Variants in SRPK2 observed in about 807,000 individuals in gnomAD.
The protein encoded by SRPK2 is SFRS protein kinase 2.
SRPK2 carries 21 observed loss-of-function variants against 90.8 expected under a neutral mutation model. That is an observed-to-expected ratio of 0.23 (90% CI 0.16 to 0.33). The LOEUF is 0.33. Ranked by LOEUF, SRPK2 falls within the 10% of genes least tolerant of loss-of-function variation. The pLI, the probability that SRPK2 is intolerant of heterozygous loss-of-function variation, is 1.00. For missense variants in SRPK2, 620 were observed against 869.0 expected (o/e 0.71, Z 3.60); for synonymous variants, 288 against 311.1 (o/e 0.93, Z 0.78).
intron 2 of SRPK2, among the ~76,000 whole-genome samples, chr7:105,307,702 G>C (rs978299352): frequency 1.3e-5 from 2 of 152,190 alleles, no homozygotes; most frequent in Admixed American, 6.5e-5. Flanking sequence ...TGTATAAGTG[G>C]TAAGACTGTG....
At chr7:105,369,089 C>T (rs192078143) in intron 2 of SRPK2, among the ~76,000 whole-genome samples, 63 of 147,296 alleles carry the variant, frequency 4.3e-4, no homozygotes, top group African/African-American at 1.4e-3. Context: ...CCACCTTTTC[C>T]GCTTTATACA....
chr7:105,168,781 G>GTGTGTGTGTGTT (rs1790431526), intron 4 of SRPK2, among the ~76,000 whole-genome samples: 1 of 148,552 alleles, frequency 6.7e-6, no homozygotes, highest in African/African-American at 2.5e-5. Context: ...GTGTGTGTGT[G>GTGTGTGTGTGTT]TATGGAGTAG....
rs34535552 is a variant in SRPK2, at chr7:105,282,895, TAA to T, written c.72-79112_72-79111del. On this transcript the variant is annotated intron_variant, in intron 2 of 15. Transcript: ENST00000393651. The stretch of plus-strand genomic sequence containing the variant: ...AAATATTTGTAAATCACGTAACTGA[TAA>T]AAAAAAAAACTAGCATCCAGAATAT... 1.1e-4 allele frequency among the ~76,000 whole-genome samples: 16 copies of T among 148,774 alleles called. No individual in the cohort carries two copies. The East Asian group carries it at 1.9e-3, about 18-fold the overall frequency.
At chr7:105,359,741 A>G (rs1419603638) in intron 2 of SRPK2, among the ~76,000 whole-genome samples, 1 of 152,132 alleles carries the variant, frequency 6.6e-6, no homozygotes, top group East Asian at 1.9e-4. Flanking sequence ...TCATCCTTCC[A>G]ACCCCCACCT....
At chr7:105,119,861 T>C (rs1800078362) in intron 15 of SRPK2, among the ~76,000 whole-genome samples, 2 of 152,218 alleles carry the variant, frequency 1.3e-5, no homozygotes, top group South Asian at 4.1e-4. Context: ...GAGCCAGTAA[T>C]AGTAAAATGG....
At chr7:105,344,268 A>G (rs1356091740) in intron 2 of SRPK2, among the ~76,000 whole-genome samples, 1 of 148,200 alleles carries the variant, frequency 6.7e-6, no homozygotes, top group Non-Finnish European at 1.5e-5. Flanking sequence ...TTGTGTTTCA[A>G]AAAAACTTTA....
At chr7:105,350,849 A>G (rs1817090504) in intron 2 of SRPK2, among the ~76,000 whole-genome samples, 1 of 152,188 alleles carries the variant, frequency 6.6e-6, no homozygotes, top group Admixed American at 6.6e-5. Flanking sequence ...AAACATGTTC[A>G]GATTACATGG....
At chr7:105,287,121 C>G (rs1444586418) in intron 2 of SRPK2, among the ~76,000 whole-genome samples, 3 of 150,736 alleles carry the variant, frequency 2.0e-5, no homozygotes, top group Non-Finnish European at 3.0e-5. Context: ...ATTAGCCGGG[C>G]GTAGTGGCGG....
intron 2 of SRPK2, among the ~76,000 whole-genome samples, chr7:105,298,553 T>C (rs1304547983): frequency 1.3e-5 from 2 of 152,194 alleles, no homozygotes; most frequent in Admixed American, 6.5e-5. Context: ...AATTGTGAGA[T>C]GACTGCTTGA....
At chr7:105,216,306 C>T (rs867484286) in intron 2 of SRPK2, among the ~76,000 whole-genome samples, 4 of 152,164 alleles carry the variant, frequency 2.6e-5, no homozygotes, top group South Asian at 2.1e-4. Flanking sequence ...ATTTGTTTTA[C>T]ACAGACATCC....
chr7:105,231,309 C>T lies in SRPK2; in HGVS notation c.72-27524G>A, dbSNP rs113173854. On this transcript the variant is annotated intron_variant, in intron 2 of 15. Transcript: ENST00000393651. Reference sequence around the variant, plus strand: ...TAGTGTTACATTTTCTTTATCCAGTCGGTCACTGATCGGCATTTACATTGA... The same window carrying T: ...TAGTGTTACATTTTCTTTATCCAGTTGGTCACTGATCGGCATTTACATTGA... Among the ~76,000 whole-genome samples, 387 of 152,252 alleles carry T rather than the reference C, an allele frequency of 2.5e-3. 6 individuals carry two copies. The highest frequency in any genetic ancestry group is 2.1e-3 in the Non-Finnish European group (143 of 68,014).
intron 2 of SRPK2, among the ~76,000 whole-genome samples, chr7:105,231,672 C>T (rs1799440445): frequency 6.6e-6 from 1 of 152,160 alleles, no homozygotes; most frequent in East Asian, 1.9e-4. Context: ...ATCTGAGATA[C>T]TGAACTTTTT....
chr7:105,362,303 C>T (rs1183496183), intron 2 of SRPK2, among the ~76,000 whole-genome samples: 5 of 151,988 alleles, frequency 3.3e-5, no homozygotes, highest in African/African-American at 9.7e-5. Context: ...GTTAGAATGG[C>T]GATCATTAAA....
At chr7:105,343,911 C>T (rs1294839491) in intron 2 of SRPK2, among the ~76,000 whole-genome samples, 9 of 151,654 alleles carry the variant, frequency 5.9e-5, no homozygotes, top group East Asian at 5.9e-4. Context: ...TACAGGCATG[C>T]GCCACCACAC....
intron 2 of SRPK2, among the ~76,000 whole-genome samples, chr7:105,354,230 A>G (rs1170706546): frequency 6.6e-6 from 1 of 152,180 alleles, no homozygotes; most frequent in African/African-American, 2.4e-5. Flanking sequence ...ACAGAGCCCT[A>G]TGTCCTCCAT....
At chr7:105,268,784 C>T in intron 2 of SRPK2, 1 of 1,587,028 alleles carries the variant, frequency 6.3e-7, no homozygotes, top group Non-Finnish European at 8.6e-7. Flanking sequence ...ATTAATTGTT[C>T]ATGCAAGAGA....
intron 2 of SRPK2, among the ~76,000 whole-genome samples, chr7:105,330,292 G>T (rs898249356): frequency 2.6e-5 from 4 of 151,308 alleles, no homozygotes; most frequent in Non-Finnish European, 5.9e-5. Flanking sequence ...AGCCGAGATC[G>T]CGCCACTGCA....
At chr7:105,287,271 AAAAAAAAAAAAAAG>A (rs1480421066) in intron 2 of SRPK2, among the ~76,000 whole-genome samples, 5 of 134,106 alleles carry the variant, frequency 3.7e-5, no homozygotes, top group East Asian at 2.1e-4. Flanking sequence ...AAAAAAAAAA[AAAAAAAAAAAAAAG>A]AAGAAAAGGA....
intron 2 of SRPK2, among the ~76,000 whole-genome samples, chr7:105,242,812 GATCTCCA>G (rs1800996988): frequency 1.3e-5 from 2 of 152,110 alleles, no homozygotes; most frequent in Admixed American, 1.3e-4. Flanking sequence ...AGGCAAGCCG[GATCTCCA>G]ATCCTTAAAG....
Sources: allele counts gnomAD v4.1 joint callset (sites outside exome capture counted in the v4.1 genomes callset), GRCh38; gene constraint gnomAD v4.1.1; transcripts MANE v1.5; gene names NCBI Gene and HGNC (gene_info 2026-07-23, HGNC 2026-07-21).